The following MAMDC4 variants were observed in gnomAD, a reference collection of about 807,000 sequenced individuals.
The protein encoded by MAMDC4 is MAM domain containing 4.
In MAMDC4, 168 loss-of-function variants were observed where a neutral mutation model predicts 153.3. The ratio of observed to expected loss-of-function variants is 1.10; its 90% CI spans 0.97 to 1.25. The LOEUF (loss-of-function observed/expected upper bound fraction) is 1.25. Ranked by LOEUF, MAMDC4 falls within the 50% of genes most tolerant of loss-of-function variation. The pLI is 0.00. For missense variants in MAMDC4, 1,701 were observed against 1,542.8 expected (o/e 1.10, Z -1.72); for synonymous variants, 744 against 651.5 (o/e 1.14, Z -2.16).
At position 136,855,313 on chromosome 9, in the gene MAMDC4, GTC is replaced by G. The variant is rs1399670713; in HGVS notation, c.1259_1260del (p.Ser420Ter). ...TCGTGGGTCTGGACGACCTCATCCTGTCTGACCACTGCAGACCAGTCTCGGGT... is the reference window on the plus strand; with the variant it reads ...TCGTGGGTCTGGACGACCTCATCCTGTGACCACTGCAGACCAGTCTCGGGT... ...GVVGLDDLIL[S>X]DHCRPVSEVS... On this transcript the variant is annotated frameshift_variant, in exon 11 of 27. Transcript: ENST00000317446. LOFTEE classifies it high-confidence loss of function. The G allele has an allele frequency of 3.1e-6, 5 of 1,607,678 alleles. No individual in the cohort carries two copies. The South Asian group carries it at 3.3e-5, about 11-fold the overall frequency.
At position 136,858,509 on chromosome 9, in the gene MAMDC4, C is replaced by G. The variant is rs780350938; in HGVS notation, c.2784C>G (p.Pro928=). 3 of 1,602,224 alleles carry G rather than the reference C, an allele frequency of 1.9e-6. No homozygotes were observed. The African/African-American group carries it at 4.0e-5, about 21-fold the overall frequency. ...WGGGATPSRY[P]QPPVDHTLGT... is the part of the protein sequence containing the mutation. ...GGGGAGCCACCCCCTCTCGTTACCC[C>G]CAGCCCCCTGTGGACCACACCCTGG... The change falls in exon 22 of 27, where the codon CCC becomes CCG. Residue 928 remains proline, a synonymous_variant. Coordinates refer to ENST00000317446, the MANE Select transcript of MAMDC4 (RefSeq NM_206920.3).
intron 14 of MAMDC4, 51 bp from the exon 15 acceptor site, chr9:136,856,659 T>C (rs1564387409): frequency 6.4e-7 from 1 of 1,571,184 alleles, no homozygotes; most frequent in Non-Finnish European, 8.8e-7. Context: ...TTCTCAGGGC[T>C]CTGGAGGGGG....
intron 4 of MAMDC4, 44 bp downstream of exon 4, chr9:136,853,714 A>AG: frequency 1.8e-6 from 1 of 544,558 alleles, no homozygotes; most frequent in Admixed American, 2.4e-5. Flanking sequence ...GCCCAAGGGG[A>AG]GGGCGGGTGG....
chr9:136,856,678 A>C, intron 14 of MAMDC4, 32 bp from the exon 15 acceptor site: 1 of 1,596,642 alleles, frequency 6.3e-7, no homozygotes, highest in East Asian at 2.2e-5. Context: ...GGAGGGGAGA[A>C]GGTGTGTGAC....
Position 136,858,760 on chromosome 9 carries a change from G to A in MAMDC4, c.2863G>A (p.Gly955Ser). The change falls in exon 23 of 27, where the codon GGC becomes AGC. Residue 955 changes from glycine (G) to serine (S), a missense_variant. By Grantham distance (56) the Gly-to-Ser change is moderately conservative (BLOSUM62 0). Coordinates refer to ENST00000317446, the MANE Select transcript of MAMDC4 (RefSeq NM_206920.3). Reference protein sequence around the residue: ...FFETGVLGPGGRAAWLRSEPL... With the variant: ...FFETGVLGPGSRAAWLRSEPL... ...TGAAACTGGCGTGCTGGGCCCCGGG[G>A]GCCGGGCCGCCTGGCTGCGCAGCGA... The A allele has an allele frequency of 2.5e-6, 4 of 1,611,138 alleles. No homozygotes were observed. Among genetic ancestry groups the A allele is most frequent in the Non-Finnish European group, 3.4e-6 (4 of 1,179,330 alleles).
chr9:136,859,988 A>C lies in MAMDC4; in HGVS notation c.3296A>C (p.Gln1099Pro). Residue 1099 changes from glutamine (Q) to proline (P), a missense_variant, in exon 26 of 27, where the codon CAG (glutamine) becomes CCG (proline). By Grantham distance (76) the Gln-to-Pro change is moderately conservative (BLOSUM62 -1). Coordinates refer to ENST00000317446, the MANE Select transcript of MAMDC4 (RefSeq NM_206920.3). ...GGACTTGGGGGACGGCGCTGGCTGC[A>C]GAAGAAGGGGAGCTGCCCCTTCCAG... ...LLGLGGRRWL[Q>P]KKGSCPFQSN... 1 of 1,612,542 alleles carries C rather than the reference A, an allele frequency of 6.2e-7. No homozygotes were observed. Among genetic ancestry groups the C allele is most frequent in the Non-Finnish European group, 8.5e-7 (1 of 1,179,660 alleles).
Position 136,860,545 on chromosome 9 carries a change from C to T in MAMDC4, c.3373-17C>T. 3 of 1,609,348 alleles carry T rather than the reference C, an allele frequency of 1.9e-6. No individual in the cohort carries two copies. The highest frequency in any genetic ancestry group is 2.5e-6 in the Non-Finnish European group (3 of 1,179,166). ...TCAGGAAAGAAAGAAAAAAAAAGCT[C>T]CTCTTCCTCCTCCTAGGATGGTGTC... On this transcript the variant is annotated splice_polypyrimidine_tract_variant and intron_variant, in intron 26 of 26. Coordinates refer to ENST00000317446, the MANE Select transcript of MAMDC4 (RefSeq NM_206920.3).
Position 136,860,658 on chromosome 9 carries a change from C to G in MAMDC4, c.*55C>G. On this transcript the variant is annotated 3_prime_UTR_variant, in exon 27 of 27. Transcript: ENST00000317446. ...CGTGACATCCAGCACTTGGTCAGAC[C>G]CTAGCCAGGGACCGGACACCTGCCC... 1 of 1,602,812 alleles carries G rather than the reference C, an allele frequency of 6.2e-7. No individual in the cohort carries two copies. Among genetic ancestry groups the G allele is most frequent in the Admixed American group, 1.7e-5 (1 of 59,850 alleles).
chr9:136,855,214 G>A (rs766822570), intron 10 of MAMDC4, 40 bp from the exon 11 acceptor site: 3 of 1,578,022 alleles, frequency 1.9e-6, no homozygotes, highest in Admixed American at 1.8e-5. Flanking sequence ...GACCCCAGGG[G>A]GAAATAGGCT....
intron 23 of MAMDC4, 30 bp from the exon 24 acceptor site, chr9:136,858,975 A>C: frequency 6.6e-7 from 1 of 1,508,990 alleles, no homozygotes; most frequent in Non-Finnish European, 8.9e-7. Flanking sequence ...CCAGGACCCC[A>C]GGCCTGACAC....
In MAMDC4 at chr9:136,853,718, C is replaced by T. The variant is rs200888119; in HGVS notation, c.454+48C>T. 662 of 496,464 alleles carry T rather than the reference C, an allele frequency of 1.3e-3. 1 individual carries two copies. The highest frequency in any genetic ancestry group is 1.6e-3 in the Middle Eastern group (4 of 2,486). 30.8% of individuals were successfully genotyped at this position (496,464 alleles called of 1,614,324 possible). A position where few individuals can be genotyped will look rare whatever the true frequency, so the allele number is the denominator to read the frequency against. On this transcript the variant is annotated intron_variant, in intron 4 of 26. Coordinates refer to ENST00000317446, the MANE Select transcript of MAMDC4 (RefSeq NM_206920.3). The stretch of plus-strand genomic sequence containing the variant: ...TCGTGGGGGGTGCCCAAGGGGAGGG[C>T]GGGTGGGCAGCTGGGGACAAGCAGG...
At chr9:136,860,140 C>A (rs961416540) in intron 26 of MAMDC4, 76 bp downstream of exon 26, 46 of 1,445,634 alleles carry the variant, frequency 3.2e-5, no homozygotes, top group Non-Finnish European at 4.1e-5. Context: ...AGTGGCGGGA[C>A]ACAACCCCCC....
chr9:136,853,021 G>A, intron 1 of MAMDC4, 81 bp from the exon 2 acceptor site: 5 of 1,227,250 alleles, frequency 4.1e-6, no homozygotes, highest in Non-Finnish European at 5.8e-6. Flanking sequence ...GATGTCCAGT[G>A]CTAAAACTGA....
Position 136,857,802 on chromosome 9 carries a change from G to A in MAMDC4, c.2464+6G>A. On this transcript the variant is annotated splice_donor_region_variant and intron_variant, in intron 19 of 26. Coordinates refer to ENST00000317446, the MANE Select transcript of MAMDC4 (RefSeq NM_206920.3). ...CGGGAGCCTCCGCAGCCCAGGTGAG[G>A]GGCTTTGGGAGGGGGCCCCAGTGGG... The A allele has an allele frequency of 1.2e-6, 2 of 1,611,428 alleles. No homozygotes were observed. Among genetic ancestry groups the A allele is most frequent in the East Asian group, 2.2e-5 (1 of 44,854 alleles).
chr9:136,855,890 G>A, intron 13 of MAMDC4, 42 bp downstream of exon 13: 1 of 1,480,678 alleles, frequency 6.8e-7, no homozygotes, highest in South Asian at 1.4e-5. Context: ...GCCCGGGTGT[G>A]AGCAGCGTCC....
rs1305714874 is a variant in MAMDC4, at chr9:136,856,029, T to C, written c.1600T>C (p.Ser534Pro). 1 of 1,611,210 alleles carries C rather than the reference T, an allele frequency of 6.2e-7. No homozygotes were observed. Among genetic ancestry groups the C allele is most frequent in the East Asian group, 2.2e-5 (1 of 44,868 alleles). The change falls in exon 14 of 27, where the codon TCT (serine) becomes CCT (proline). Residue 534 changes from serine to proline, a missense_variant. By Grantham distance (74) the Ser-to-Pro change is moderately conservative (BLOSUM62 -1). Coordinates refer to ENST00000317446, the MANE Select transcript of MAMDC4 (RefSeq NM_206920.3). ...TGCTCTTCCCCTAGGGCACTTCCTGTCTCTGCAGCGGGCCTGGGGGCAGCT... is the reference window on the plus strand; with the variant it reads ...TGCTCTTCCCCTAGGGCACTTCCTGCCTCTGCAGCGGGCCTGGGGGCAGCT... ...SSAAAAGHFL[S>P]LQRAWGQLGA...
rs1377426942 is a variant in MAMDC4 at position 136,858,527 on chromosome 9, C to T, written c.2802C>T (p.His934=). 2 of 1,587,748 alleles carry T rather than the reference C, an allele frequency of 1.3e-6. No individual in the cohort carries two copies. The highest frequency in any genetic ancestry group is 1.7e-6 in the Non-Finnish European group (2 of 1,168,380). Residue 934 remains histidine (H), a synonymous_variant, in exon 22 of 27, where the codon CAC becomes CAT. Coordinates refer to ENST00000317446, the MANE Select transcript of MAMDC4 (RefSeq NM_206920.3). The part of the protein sequence containing the change: ...PSRYPQPPVD[H]TLGTEAGHFA... ...GTTACCCCCAGCCCCCTGTGGACCA[C>T]ACCCTGGGCACAGAGGCAGGTACGT...
At position 136,857,363 on chromosome 9, in the gene MAMDC4, C is replaced by A. The variant is rs1313127773; in HGVS notation, c.2107-4C>A. ...CCTGGCCAGCTGACACCCTCCACCC[C>A]CAGCTGCTGTTCGAGGGCCTCCGGG... On this transcript the variant is annotated splice_polypyrimidine_tract_variant and splice_region_variant and intron_variant, in intron 17 of 26. Coordinates refer to ENST00000317446, the MANE Select transcript of MAMDC4 (RefSeq NM_206920.3). 8 of 1,608,534 alleles carry A rather than the reference C, an allele frequency of 5.0e-6. No individual in the cohort carries two copies. The highest frequency in any genetic ancestry group is 1.7e-4 in the Middle Eastern group (1 of 6,058).
At chr9:136,853,965 T>G (rs368299309) in intron 5 of MAMDC4, 27 bp from the exon 6 acceptor site, 11 of 1,612,642 alleles carry the variant, frequency 6.8e-6, no homozygotes, top group Non-Finnish European at 9.3e-6. Context: ...GGCCCTGACT[T>G]AGGTCCTAAG....
Sources: gnomAD v4.1 joint callset for allele counts on GRCh38, gnomAD v4.1.1 for gene constraint, MANE v1.5 for transcripts, NCBI Gene and HGNC (gene_info 2026-07-23, HGNC 2026-07-21) for gene names.